Variants in ZNF385D observed in about 807,000 individuals in gnomAD.
The protein encoded by ZNF385D is zinc finger protein 659.
A neutral mutation model predicts 35.8 loss-of-function variants in ZNF385D; 15 were observed. The observed-to-expected ratio is 0.42, with a 90% CI of 0.28 to 0.64. The LOEUF is 0.64. ZNF385D is among the 30% of genes least tolerant of loss of function. The pLI is 0.23. For missense variants in ZNF385D, 474 were observed against 494.6 expected (o/e 0.96, Z 0.39); for synonymous variants, 212 against 186.8 (o/e 1.13, Z -1.10).
intron 2 of ZNF385D, among the ~76,000 whole-genome samples, chr3:22,329,137 T>G (rs768295131): frequency 3.3e-5 from 5 of 151,396 alleles, no homozygotes; most frequent in Non-Finnish European, 7.4e-5. Flanking sequence ...CTAGGCTCAC[T>G]GCTATTTCTC....
intron 3 of ZNF385D, among the ~76,000 whole-genome samples, chr3:22,160,776 A>T (rs564622477): frequency 5.3e-5 from 8 of 152,152 alleles, no homozygotes; most frequent in Non-Finnish European, 1.0e-4. Context: ...AAAATAGGAA[A>T]CCAGGCTTAA....
intron 2 of ZNF385D, among the ~76,000 whole-genome samples, chr3:22,224,769 A>G (rs1475923713): frequency 1.3e-5 from 2 of 152,206 alleles, no homozygotes; most frequent in African/African-American, 2.4e-5. Flanking sequence ...CAGAAGGTTG[A>G]AGACCTGCCC....
chr3:22,329,369 G>T (rs1575130805), intron 2 of ZNF385D, among the ~76,000 whole-genome samples: 2 of 152,170 alleles, frequency 1.3e-5, no homozygotes, highest in South Asian at 4.2e-4. Flanking sequence ...GATCTCCAGA[G>T]GAATCTACAT....
chr3:21,445,496 A>G (rs1319292263), intron 4 of ZNF385D, among the ~76,000 whole-genome samples: 2 of 152,220 alleles, frequency 1.3e-5, no homozygotes, highest in Admixed American at 6.5e-5. Flanking sequence ...TTAGGGACTC[A>G]TTCTAGGAAA....
At chr3:21,532,697 G>C (rs991571087) in intron 3 of ZNF385D, among the ~76,000 whole-genome samples, 1 of 146,358 alleles carries the variant, frequency 6.8e-6, no homozygotes, top group Non-Finnish European at 1.5e-5. Context: ...AAAAAAAACA[G>C]ATCTAGTAAC....
chr3:22,334,781 T>C (rs564803569), intron 2 of ZNF385D, among the ~76,000 whole-genome samples: 6 of 152,304 alleles, frequency 3.9e-5, no homozygotes, highest in African/African-American at 1.4e-4. Flanking sequence ...CATCCATGAA[T>C]AAGCTTTTCT....
Position 22,304,368 on chromosome 3 carries a change from T to C in ZNF385D, c.106+68082A>G, listed in dbSNP as rs539336049. ...TTCAAATTGCTTATATTTAAGATTC[T>C]TGAATCTATGTATTTTAGCAGATAT... On this transcript the variant is annotated intron_variant, in intron 2 of 5. Transcript: ENST00000494108. 2.2e-4 allele frequency among the ~76,000 whole-genome samples: 34 copies of C among 152,304 alleles called. 1 individual carries two copies. In the South Asian group the frequency reaches 2.5e-3, roughly 11 times the overall value.
At chr3:22,118,488 T>C (rs1277576354) in intron 3 of ZNF385D, among the ~76,000 whole-genome samples, 5 of 152,156 alleles carry the variant, frequency 3.3e-5, no homozygotes, top group Non-Finnish European at 7.4e-5. Context: ...GGTTGTAGAC[T>C]GTACATCTCC....
intron 3 of ZNF385D, among the ~76,000 whole-genome samples, chr3:22,076,527 A>G (rs1383085): frequency 0.12 from 17,824 of 151,958 alleles, 1,348 homozygotes; most frequent in Middle Eastern, 0.22. Context: ...GTGTTATGCT[A>G]TAACACAGTC....
chr3:22,181,111 C>G (rs1695239323), intron 2 of ZNF385D, among the ~76,000 whole-genome samples: 1 of 151,812 alleles, frequency 6.6e-6, no homozygotes, highest in Non-Finnish European at 1.5e-5. Context: ...ACCAGTTTTT[C>G]CATAACAATT....
At chr3:21,805,197 G>A (rs1301700109) in intron 3 of ZNF385D, among the ~76,000 whole-genome samples, 4 of 152,204 alleles carry the variant, frequency 2.6e-5, no homozygotes, top group Non-Finnish European at 5.9e-5. Context: ...AAGGTTGTCT[G>A]TTGTATAGCA....
intron 4 of ZNF385D, among the ~76,000 whole-genome samples, chr3:21,438,945 G>C (rs1413170535): frequency 6.6e-6 from 1 of 151,914 alleles, no homozygotes; most frequent in East Asian, 1.9e-4. Flanking sequence ...AATATATCTT[G>C]AGAACCTAGA....
At chr3:21,772,422 C>T (rs1193491240) in intron 3 of ZNF385D, among the ~76,000 whole-genome samples, 1 of 151,698 alleles carries the variant, frequency 6.6e-6, no homozygotes, top group Non-Finnish European at 1.5e-5. Flanking sequence ...GGACAAAGAA[C>T]TTGAATAAAT....
chr3:22,158,756 G>A (rs948766257), intron 3 of ZNF385D, among the ~76,000 whole-genome samples: 4 of 151,888 alleles, frequency 2.6e-5, no homozygotes, highest in African/African-American at 9.7e-5. Context: ...AAGAGAAGGA[G>A]TGCCAGGCCT....
intron 3 of ZNF385D, among the ~76,000 whole-genome samples, chr3:21,934,162 C>T (rs1209045188): frequency 6.6e-6 from 1 of 152,064 alleles, no homozygotes; most frequent in Non-Finnish European, 1.5e-5. Context: ...TTCTTTAGTT[C>T]TGAGAAGCAA....
chr3:22,049,000 G>C (rs1284261176), intron 3 of ZNF385D, among the ~76,000 whole-genome samples: 2 of 151,974 alleles, frequency 1.3e-5, no homozygotes, highest in African/African-American at 4.8e-5. Context: ...TTAGTGTATA[G>C]AAATGCTGTT....
chr3:21,868,323 C>T (rs953433885), intron 3 of ZNF385D, among the ~76,000 whole-genome samples: 15 of 151,944 alleles, frequency 9.9e-5, no homozygotes, highest in Admixed American at 2.0e-4. Context: ...TGCCTATGGG[C>T]CATATTTAAA....
At chr3:22,019,444 T>C (rs889008063) in intron 3 of ZNF385D, among the ~76,000 whole-genome samples, 2 of 151,962 alleles carry the variant, frequency 1.3e-5, no homozygotes, top group Non-Finnish European at 2.9e-5. Flanking sequence ...CATATAGTAA[T>C]TGTTAAATTT....
intron 2 of ZNF385D, among the ~76,000 whole-genome samples, chr3:21,663,524 G>A (rs542413324): frequency 3.9e-5 from 6 of 152,022 alleles, no homozygotes; most frequent in African/African-American, 1.4e-4. Flanking sequence ...CAGAAGAGCA[G>A]GCAAGAAATC....
Sources: gnomAD v4.1 joint callset for allele counts (sites outside exome capture counted in the v4.1 genomes callset) on GRCh38, gnomAD v4.1.1 for gene constraint, MANE v1.5 for transcripts, NCBI Gene and HGNC (gene_info 2026-07-23, HGNC 2026-07-21) for gene names.